The following TMTC2 variants were observed in gnomAD, a reference collection of about 807,000 sequenced individuals.
TMTC2 encodes the protein protein O-mannosyl-transferase TMTC2.
In TMTC2, 43 loss-of-function variants were observed where a neutral mutation model predicts 82.4. The ratio of observed to expected loss-of-function variants is 0.52; its 90% CI spans 0.41 to 0.67. The LOEUF (loss-of-function observed/expected upper bound fraction) is 0.67. Ranked by LOEUF, TMTC2 falls within the 30% of genes least tolerant of loss-of-function variation. The pLI is 0.00. For missense variants in TMTC2, 919 were observed against 1,012.4 expected, an observed-to-expected ratio of 0.91 and a Z score of 1.25; for synonymous variants, 408 against 381.9, an observed-to-expected ratio of 1.07 and a Z score of -0.80.
intron 11 of TMTC2, among the ~76,000 whole-genome samples, chr12:83,066,568 G>T (rs1217288640): frequency 6.6e-6 from 1 of 151,954 alleles, no homozygotes; most frequent in African/African-American, 2.4e-5. Context: ...AAAAATGTCA[G>T]TTGTGTTTGA....
intron 1 of TMTC2, among the ~76,000 whole-genome samples, chr12:82,837,929 C>T (rs1007102873): frequency 2.0e-5 from 3 of 152,042 alleles, no homozygotes; most frequent in Admixed American, 6.6e-5. Context: ...AACAGTAGTT[C>T]GAAGATGCAA....
At chr12:82,753,025 C>T (rs1418912185) in intron 1 of TMTC2, among the ~76,000 whole-genome samples, 1 of 152,084 alleles carries the variant, frequency 6.6e-6, no homozygotes, top group Non-Finnish European at 1.5e-5. Flanking sequence ...TTGGTCTTTT[C>T]ATCATCTTTT....
chr12:83,045,603 A>G (rs1298904949), intron 9 of TMTC2, among the ~76,000 whole-genome samples: 3 of 152,092 alleles, frequency 2.0e-5, no homozygotes, highest in Non-Finnish European at 2.9e-5. Flanking sequence ...ATATACATGT[A>G]TCTATCTATA....
intron 1 of TMTC2, among the ~76,000 whole-genome samples, chr12:82,802,385 A>G (rs1228405909): frequency 1.3e-5 from 2 of 152,138 alleles, no homozygotes; most frequent in African/African-American, 2.4e-5. Flanking sequence ...CAGCCCGGAA[A>G]GGGGCTCCCA....
At chr12:82,985,479 G>A (rs139815679) in intron 7 of TMTC2, among the ~76,000 whole-genome samples, 8 of 152,188 alleles carry the variant, frequency 5.3e-5, no homozygotes, top group African/African-American at 1.9e-4. Flanking sequence ...TTTGTGGATA[G>A]GATCTCACAC....
chr12:82,696,964 G>GTA (rs3993380), intron 1 of TMTC2, among the ~76,000 whole-genome samples: 8,590 of 141,328 alleles, frequency 0.061, 331 homozygotes, highest in East Asian at 0.092. Context: ...ACATACATAC[G>GTA]TATATATATA....
chr12:82,935,637 G>GT (rs1876274509), intron 4 of TMTC2, among the ~76,000 whole-genome samples: 1 of 152,078 alleles, frequency 6.6e-6, no homozygotes, highest in Non-Finnish European at 1.5e-5. Flanking sequence ...TTATGGATTT[G>GT]TTTCGGTCTG....
At chr12:82,719,303 A>C (rs1169970505) in intron 1 of TMTC2, among the ~76,000 whole-genome samples, 2 of 151,668 alleles carry the variant, frequency 1.3e-5, no homozygotes, top group Non-Finnish European at 2.9e-5. Context: ...CATCTTGGCC[A>C]GGCTAGTCTC....
Position 83,088,737 on chromosome 12 carries a change from C to T in TMTC2, c.2331+26906C>T, listed in dbSNP as rs1044548210. On this transcript the variant is annotated intron_variant, in intron 11 of 11. Coordinates refer to ENST00000321196, the MANE Select transcript of TMTC2 (RefSeq NM_152588.3). ...ACATCAAAGATCACTGACCACAGAT[C>T]ATCAGAACAGATATAGTAATAATAA... Among the ~76,000 whole-genome samples the T allele has an allele frequency of 5.3e-5, 8 of 152,266 alleles. No homozygotes were observed. The South Asian group carries it at 1.2e-3, about 24-fold the overall frequency.
intron 1 of TMTC2, among the ~76,000 whole-genome samples, chr12:82,819,497 C>CTTT (rs766912583): frequency 4.5e-4 from 53 of 118,236 alleles, no homozygotes; most frequent in South Asian, 8.1e-4. Flanking sequence ...TTCTCTCTTT[C>CTTT]TTTTTTTTTT....
At chr12:82,879,485 G>A (rs1160162776) in intron 2 of TMTC2, among the ~76,000 whole-genome samples, 2 of 152,182 alleles carry the variant, frequency 1.3e-5, no homozygotes, top group South Asian at 2.1e-4. Flanking sequence ...CTGACAGGAG[G>A]CAGAACTCAG....
chr12:82,688,843 A>G (rs1212198196), intron 1 of TMTC2, among the ~76,000 whole-genome samples: 1 of 152,164 alleles, frequency 6.6e-6, no homozygotes, highest in Non-Finnish European at 1.5e-5. Context: ...TGAAGGCAGA[A>G]TCTTCTTCTC....
intron 4 of TMTC2, among the ~76,000 whole-genome samples, chr12:82,963,338 G>C (rs1878025805): frequency 6.6e-6 from 1 of 151,934 alleles, no homozygotes; most frequent in Non-Finnish European, 1.5e-5. Context: ...ATTGGACAAA[G>C]AGGGGTTGAT....
At position 82,895,835 on chromosome 12, in the gene TMTC2, T is replaced by C; in HGVS notation, c.672T>C (p.Leu224=). Residue 224 remains leucine, a synonymous_variant, in exon 3 of 12, where the codon CTT becomes CTC. Coordinates refer to ENST00000321196, the MANE Select transcript of TMTC2 (RefSeq NM_152588.3). ...PTIYKRKNLS[L]FLSISLLIFW... ...GGTTTCAGAGGAAGAACTTGTCGCT[T>C]TTCCTAAGCATTAGTTTGTTAATTT... 2 of 1,606,030 alleles carry C rather than the reference T, an allele frequency of 1.2e-6. No homozygotes were observed. Among genetic ancestry groups the C allele is most frequent in the Non-Finnish European group, 1.7e-6 (2 of 1,176,008 alleles).
intron 11 of TMTC2, among the ~76,000 whole-genome samples, chr12:83,083,858 A>T (rs1883557772): frequency 6.6e-6 from 1 of 152,192 alleles, no homozygotes; most frequent in African/African-American, 2.4e-5. Flanking sequence ...ACACAACAAA[A>T]CTGACTGCCA....
intron 9 of TMTC2, among the ~76,000 whole-genome samples, chr12:83,032,257 T>TTATATATATATATATATATATA (rs57604518): frequency 1.5e-5 from 2 of 130,858 alleles, no homozygotes; most frequent in Non-Finnish European, 3.2e-5. Flanking sequence ...AGAGAATATT[T>TTATATATATATATATATATATA]TATATATATA....
intron 1 of TMTC2, among the ~76,000 whole-genome samples, chr12:82,832,970 G>C (rs1390880339): frequency 6.6e-6 from 1 of 152,172 alleles, no homozygotes; most frequent in African/African-American, 2.4e-5. Flanking sequence ...CACCATGCAA[G>C]AGATTTAGTA....
chr12:83,096,532 C>A (rs1884035374), intron 11 of TMTC2, among the ~76,000 whole-genome samples: 1 of 152,164 alleles, frequency 6.6e-6, no homozygotes, highest in South Asian at 2.1e-4. Context: ...GGAGGCTTCA[C>A]AATCATGGCA....
chr12:82,944,464 G>GTC (rs1876887363), intron 4 of TMTC2, among the ~76,000 whole-genome samples: 1 of 150,420 alleles, frequency 6.6e-6, no homozygotes, highest in Non-Finnish European at 1.5e-5. Flanking sequence ...GGCACCAGTA[G>GTC]TCCCAGCGAC....
Sources: allele counts gnomAD v4.1 joint callset (sites outside exome capture counted in the v4.1 genomes callset), GRCh38; gene constraint gnomAD v4.1.1; transcripts MANE v1.5; gene names NCBI Gene and HGNC (gene_info 2026-07-23, HGNC 2026-07-21).